ELAPOR2: variants seen among roughly 807,000 people sequenced by gnomAD.
The protein encoded by ELAPOR2 is endosome-lysosome associated apoptosis and autophagy regulator family member 2.
A neutral mutation model predicts 120.7 loss-of-function variants in ELAPOR2; 89 were observed. The ratio of observed to expected loss-of-function variants is 0.74; its 90% confidence interval spans 0.62 to 0.88. The LOEUF is 0.88. ELAPOR2 is among the 40% of genes least tolerant of loss of function. The pLI, the probability that ELAPOR2 is intolerant of heterozygous loss-of-function variation, is 0.00. For synonymous variants in ELAPOR2, 444 were observed against 444.9 expected (o/e 1.00, Z 0.03); for missense variants, 1,134 against 1,251.6 (o/e 0.91, Z 1.42).
At chr7:86,963,750 AC>A (rs1791802217) in intron 2 of ELAPOR2, among the ~76,000 whole-genome samples, 1 of 152,192 alleles carries the variant, frequency 6.6e-6, no homozygotes, top group Non-Finnish European at 1.5e-5. Context: ...TTCCTCTGTC[AC>A]TGAGAGCTCA....
intron 2 of ELAPOR2, among the ~76,000 whole-genome samples, chr7:86,962,354 T>C (rs1031784419): frequency 6.6e-6 from 1 of 152,236 alleles, no homozygotes; most frequent in African/African-American, 2.4e-5. Flanking sequence ...TTTCATTTTA[T>C]TTTGAGACAT....
intron 1 of ELAPOR2, among the ~76,000 whole-genome samples, chr7:86,995,275 G>C (rs1793085497): frequency 6.6e-6 from 1 of 152,138 alleles, no homozygotes; most frequent in African/African-American, 2.4e-5. Context: ...GCCTAGACCA[G>C]CTGTCAGCGA....
rs28821515 is a variant in ELAPOR2 at position 87,022,563 on chromosome 7, G to C, written c.189+36762C>G. Among the ~76,000 whole-genome samples, 597 of 152,176 alleles carry C rather than the reference G, an allele frequency of 3.9e-3. 2 individuals are homozygous for C. The highest frequency in any genetic ancestry group is 0.013 in the African/African-American group (534 of 41,490). ...CATGTGTGCATGTATCTTTATAGCAGCATGATTTATAATCCTTTGGGTATA... is the reference window on the plus strand; with the variant it reads ...CATGTGTGCATGTATCTTTATAGCACCATGATTTATAATCCTTTGGGTATA... On this transcript the variant is annotated intron_variant, in intron 1 of 21. Coordinates refer to ENST00000450689, the MANE Select transcript of ELAPOR2 (RefSeq NM_001142749.3).
chr7:86,991,403 A>G (rs909946134), intron 1 of ELAPOR2, among the ~76,000 whole-genome samples: 3 of 152,174 alleles, frequency 2.0e-5, no homozygotes, highest in Non-Finnish European at 2.9e-5. Context: ...CATCTAGTAT[A>G]CAACATTGTT....
At chr7:86,959,132 G>C (rs913987624) in intron 2 of ELAPOR2, among the ~76,000 whole-genome samples, 2 of 152,150 alleles carry the variant, frequency 1.3e-5, no homozygotes, top group Non-Finnish European at 2.9e-5. Context: ...TTAATTATTA[G>C]TGTATAGAAA....
intron 1 of ELAPOR2, among the ~76,000 whole-genome samples, chr7:87,017,343 G>A (rs1225896993): frequency 6.6e-6 from 1 of 152,128 alleles, no homozygotes; most frequent in East Asian, 1.9e-4. Flanking sequence ...GATCAACGAT[G>A]GGGAACTGCT....
intron 8 of ELAPOR2, 25 bp downstream of exon 8, chr7:86,938,101 G>A: frequency 2.0e-6 from 3 of 1,509,380 alleles, no homozygotes; most frequent in Middle Eastern, 1.7e-4. Flanking sequence ...AATATGGGAT[G>A]GAGTTGATGC....
chr7:86,933,068 G>A (rs1462776147), intron 8 of ELAPOR2, among the ~76,000 whole-genome samples: 1 of 151,558 alleles, frequency 6.6e-6, no homozygotes, highest in Non-Finnish European at 1.5e-5. Context: ...GTGAGTTACA[G>A]TATGTATAAA....
chr7:86,987,303 A>T (rs1481572830), intron 1 of ELAPOR2, among the ~76,000 whole-genome samples: 1 of 152,210 alleles, frequency 6.6e-6, no homozygotes, highest in South Asian at 2.1e-4. Context: ...CTTCATGATG[A>T]AAACACCAAA....
intron 4 of ELAPOR2, among the ~76,000 whole-genome samples, chr7:86,942,879 T>C (rs757051939): frequency 6.6e-6 from 1 of 151,866 alleles, no homozygotes; most frequent in Non-Finnish European, 1.5e-5. Context: ...CCAAAAGAAA[T>C]GGTTCTTCCT....
At chr7:86,984,844 A>G (rs2116570537) in intron 1 of ELAPOR2, among the ~76,000 whole-genome samples, 1 of 152,330 alleles carries the variant, frequency 6.6e-6, no homozygotes, top group Admixed American at 6.5e-5. Context: ...TCAGAGCATA[A>G]CTGAAGGAGA....
intron 10 of ELAPOR2, among the ~76,000 whole-genome samples, chr7:86,920,275 T>TA (rs749808584): frequency 4.6e-5 from 7 of 152,164 alleles, no homozygotes; most frequent in Admixed American, 6.5e-5. Flanking sequence ...TTTGGCTATC[T>TA]AATGTGGTTG....
At chr7:87,007,148 A>C (rs1408677164) in intron 1 of ELAPOR2, among the ~76,000 whole-genome samples, 1 of 152,212 alleles carries the variant, frequency 6.6e-6, no homozygotes, top group African/African-American at 2.4e-5. Context: ...CATGTGTCAA[A>C]GCTGAAACTG....
chr7:86,945,313 T>C (rs1790955130), intron 3 of ELAPOR2, among the ~76,000 whole-genome samples: 1 of 152,240 alleles, frequency 6.6e-6, no homozygotes, highest in Non-Finnish European at 1.5e-5. Context: ...ACCAAATAGA[T>C]GATAACTAAT....
rs1167618353 is a variant in ELAPOR2, at chr7:87,035,087, CAA to C, written c.189+24236_189+24237del. Among the ~76,000 whole-genome samples, 767 of 83,266 alleles carry C rather than the reference CAA, an allele frequency of 9.2e-3. 11 individuals carry two copies. The highest frequency in any genetic ancestry group is 0.029 in the African/African-American group (716 of 24,410). The allele number at this position is 83,266 out of a possible 152,430, so 54.6% of individuals were successfully genotyped here. On this transcript the variant is annotated intron_variant, in intron 1 of 21. Transcript: ENST00000450689. ...GACAAAAAAGAGTGAAACTCCGTCT[CAA>C]AAAAAAAAAAAAAAAATTGTGTGCT...
chr7:86,918,577 C>G, intron 11 of ELAPOR2, 33 bp from the exon 12 acceptor site: 1 of 1,247,006 alleles, frequency 8.0e-7, no homozygotes, highest in Non-Finnish European at 1.2e-6. Context: ...AATATTTATA[C>G]TATGTTCTAA....
At chr7:86,930,196 C>T (rs1005031414) in intron 8 of ELAPOR2, among the ~76,000 whole-genome samples, 2 of 151,848 alleles carry the variant, frequency 1.3e-5, no homozygotes, top group Non-Finnish European at 2.9e-5. Flanking sequence ...GGTGACTATA[C>T]TGAAAACACT....
chr7:87,000,465 A>G (rs1793281906), intron 1 of ELAPOR2, among the ~76,000 whole-genome samples: 1 of 152,154 alleles, frequency 6.6e-6, no homozygotes, highest in Non-Finnish European at 1.5e-5. Context: ...GCCTGGATTT[A>G]TCCTCTGGCC....
At chr7:86,990,020 T>A (rs1792889048) in intron 1 of ELAPOR2, among the ~76,000 whole-genome samples, 1 of 151,902 alleles carries the variant, frequency 6.6e-6, no homozygotes, top group African/African-American at 2.4e-5. Flanking sequence ...GGTGATTGGA[T>A]CATGAGGGTT....
Sources: allele counts gnomAD v4.1 joint callset (sites outside exome capture counted in the v4.1 genomes callset), GRCh38; gene constraint gnomAD v4.1.1; transcripts MANE v1.5; gene names NCBI Gene and HGNC (gene_info 2026-07-23, HGNC 2026-07-21).